Variants in MGAT4C observed in about 807,000 individuals in gnomAD.
MGAT4C encodes the protein alpha-1,3-mannosyl-glycoprotein 4-beta-N-acetylglucosaminyltransferase C.
Under a neutral mutation model 40.1 loss-of-function variants are expected in MGAT4C, and 19 were observed. That is an observed-to-expected ratio of 0.47 (90% confidence interval 0.33 to 0.70). MGAT4C has a LOEUF of 0.70. Among genes scored for constraint, MGAT4C ranks in the 30% least tolerant of loss-of-function variants. The probability of loss-of-function intolerance (pLI) is 0.02; values close to 1 mark genes in which losing one functional copy is unlikely to be tolerated. For missense variants in MGAT4C, 491 were observed against 563.2 expected, an observed-to-expected ratio of 0.87 and a Z score of 1.30; for synonymous variants, 181 against 187.1, an observed-to-expected ratio of 0.97 and a Z score of 0.27.
At chr12:86,696,117 C>T (rs1950253899) in intron 2 of MGAT4C, among the ~76,000 whole-genome samples, 1 of 151,576 alleles carries the variant, frequency 6.6e-6, no homozygotes, top group South Asian at 2.1e-4. Flanking sequence ...GAGGCTAAGG[C>T]AGGAGAGTTG....
At chr12:86,675,330 G>T (rs371736571) in intron 2 of MGAT4C, among the ~76,000 whole-genome samples, 6 of 152,086 alleles carry the variant, frequency 3.9e-5, no homozygotes, top group Non-Finnish European at 8.8e-5. Context: ...GACTCTTATC[G>T]TGATGACTCC....
At chr12:86,802,184 A>C (rs1352606010) in intron 1 of MGAT4C, among the ~76,000 whole-genome samples, 1 of 151,944 alleles carries the variant, frequency 6.6e-6, no homozygotes, top group African/African-American at 2.4e-5. Flanking sequence ...GTGAAGAGTG[A>C]GTATTTTAAT....
chr12:86,015,326 T>C (rs971112286), intron 2 of MGAT4C, among the ~76,000 whole-genome samples: 5 of 152,078 alleles, frequency 3.3e-5, no homozygotes, highest in Non-Finnish European at 4.4e-5. Context: ...GGAGTGCTTC[T>C]AGCACTGTCT....
chr12:86,358,166 G>A (rs1290141688), intron 3 of MGAT4C, among the ~76,000 whole-genome samples: 1 of 152,170 alleles, frequency 6.6e-6, no homozygotes, highest in Non-Finnish European at 1.5e-5. Flanking sequence ...GAGAGTGGGG[G>A]CCAATATACA....
At chr12:86,187,595 G>C (rs974768909) in intron 1 of MGAT4C, among the ~76,000 whole-genome samples, 8 of 148,708 alleles carry the variant, frequency 5.4e-5, no homozygotes, top group African/African-American at 1.9e-4. Flanking sequence ...TTTCTAGAAT[G>C]TCACATAATA....
intron 2 of MGAT4C, among the ~76,000 whole-genome samples, chr12:86,708,565 T>G (rs1950503168): frequency 6.6e-6 from 1 of 152,114 alleles, no homozygotes. Flanking sequence ...GCTTGCATGG[T>G]GCACCCAGAA....
Position 85,980,075 on chromosome 12 carries a change from T to C in MGAT4C, c.651A>G (p.Ser217=). Residue 217 remains serine (S), a synonymous_variant, in exon 5 of 5, where the codon TCA becomes TCG. Transcript: ENST00000611864. ...CATCTTCAAGCATTACATAATAGTC[T>C]GAAGTATTGGCACAAAAATTAAGCA... ...AFLLNFCANT[S]DYYVMLEDDV... 3 of 1,613,810 alleles carry C rather than the reference T, an allele frequency of 1.9e-6. No homozygotes were observed. The highest frequency in any genetic ancestry group is 2.5e-6 in the Non-Finnish European group (3 of 1,179,852).
intron 3 of MGAT4C, among the ~76,000 whole-genome samples, chr12:86,354,794 G>C (rs1408291731): frequency 6.6e-6 from 1 of 152,198 alleles, no homozygotes; most frequent in Admixed American, 6.5e-5. Flanking sequence ...CTTCTGGTGG[G>C]TTTGTGGTCT....
intron 1 of MGAT4C, among the ~76,000 whole-genome samples, chr12:86,107,086 TA>T (rs954118099): frequency 1.3e-5 from 2 of 151,780 alleles, no homozygotes; most frequent in East Asian, 1.9e-4. Flanking sequence ...ATGAAAAAGC[TA>T]AAAAAAAGCT....
chr12:86,643,330 A>G (rs972114335), intron 2 of MGAT4C, among the ~76,000 whole-genome samples: 4 of 151,856 alleles, frequency 2.6e-5, no homozygotes, highest in African/African-American at 9.7e-5. Flanking sequence ...TGGGGGACAC[A>G]TTCAAATCAT....
chr12:86,064,191 A>G (rs559209073), intron 1 of MGAT4C, among the ~76,000 whole-genome samples: 2 of 152,192 alleles, frequency 1.3e-5, no homozygotes, highest in Non-Finnish European at 2.9e-5. Context: ...GGAAATCATA[A>G]CAAACAGTCT....
At chr12:86,143,164 T>C (rs1230009997) in intron 1 of MGAT4C, among the ~76,000 whole-genome samples, 1 of 152,162 alleles carries the variant, frequency 6.6e-6, no homozygotes, top group Non-Finnish European at 1.5e-5. Flanking sequence ...TATTTTTATA[T>C]AGCAGTGAAT....
chr12:86,650,987 C>A (rs183890513), intron 2 of MGAT4C, among the ~76,000 whole-genome samples: 18 of 151,908 alleles, frequency 1.2e-4, no homozygotes, highest in African/African-American at 4.1e-4. Context: ...CCTGTCTTAT[C>A]CTTGAGGGCA....
intron 1 of MGAT4C, among the ~76,000 whole-genome samples, chr12:86,835,115 T>C (rs949109897): frequency 1.7e-5 from 2 of 119,358 alleles, no homozygotes; most frequent in Non-Finnish European, 4.1e-5. Context: ...AAGACAGACA[T>C]GTGTTATGTT....
chr12:86,134,801 G>C (rs1325864305), intron 1 of MGAT4C, among the ~76,000 whole-genome samples: 1 of 152,112 alleles, frequency 6.6e-6, no homozygotes, highest in African/African-American at 2.4e-5. Context: ...GATCTCTAAG[G>C]CTGGGATGAT....
chr12:86,626,140 T>C (rs1003913969), intron 2 of MGAT4C, among the ~76,000 whole-genome samples: 5 of 152,200 alleles, frequency 3.3e-5, no homozygotes, highest in Admixed American at 3.3e-4. Flanking sequence ...TTTTACACAA[T>C]TCTTGCTGTG....
chr12:86,115,453 A>T (rs972245561), intron 1 of MGAT4C, among the ~76,000 whole-genome samples: 12 of 152,076 alleles, frequency 7.9e-5, no homozygotes, highest in Admixed American at 2.6e-4. Flanking sequence ...TTTATAAAAC[A>T]ATATTAATAG....
intron 1 of MGAT4C, among the ~76,000 whole-genome samples, chr12:86,227,670 C>T (rs1214640356): frequency 6.6e-6 from 1 of 151,888 alleles, no homozygotes; most frequent in Non-Finnish European, 1.5e-5. Flanking sequence ...TGTCATGAGT[C>T]CACATTTGAA....
chr12:86,442,496 T>TA (rs1957251448), intron 2 of MGAT4C, among the ~76,000 whole-genome samples: 1 of 152,200 alleles, frequency 6.6e-6, no homozygotes, highest in Admixed American at 6.5e-5. Context: ...TTTAAGTGTT[T>TA]AATCCATCTT....
Sources: allele counts gnomAD v4.1 joint callset (sites outside exome capture counted in the v4.1 genomes callset), GRCh38; gene constraint gnomAD v4.1.1; transcripts MANE v1.5; gene names NCBI Gene and HGNC (gene_info 2026-07-23, HGNC 2026-07-21).